The following LRRTM4 variants were observed in gnomAD, a reference collection of about 807,000 sequenced individuals.
LRRTM4 encodes the protein leucine-rich repeat transmembrane neuronal protein 4.
In LRRTM4, 25 loss-of-function variants were observed where a neutral mutation model predicts 47.6. The ratio of observed to expected loss-of-function variants is 0.53; its 90% CI spans 0.38 to 0.73. LRRTM4 has a LOEUF of 0.73. Among genes scored for constraint, LRRTM4 ranks in the 30% least tolerant of loss-of-function variants. LRRTM4 has a pLI of 0.00. For synonymous variants in LRRTM4, 311 were observed against 269.5 expected (o/e 1.15, Z -1.51); for missense variants, 638 against 713.4 (o/e 0.89, Z 1.20).
chr2:77,465,869 A>C (rs1676962347), intron 3 of LRRTM4, among the ~76,000 whole-genome samples: 1 of 152,146 alleles, frequency 6.6e-6, no homozygotes, highest in African/African-American at 2.4e-5. Flanking sequence ...CTCTTCACTG[A>C]TTAGATTCCT....
At chr2:76,854,344 T>C (rs1252611142) in intron 3 of LRRTM4, among the ~76,000 whole-genome samples, 1 of 152,110 alleles carries the variant, frequency 6.6e-6, no homozygotes, top group Non-Finnish European at 1.5e-5. Flanking sequence ...AGAATCTGCT[T>C]TTACTTTTCC....
chr2:77,443,195 C>G (rs1473089063), intron 3 of LRRTM4, among the ~76,000 whole-genome samples: 1 of 152,078 alleles, frequency 6.6e-6, no homozygotes, highest in Non-Finnish European at 1.5e-5. Context: ...ACGTTTGCAG[C>G]TGTGCTGTTT....
chr2:76,781,424 C>T (rs556724619), intron 3 of LRRTM4, among the ~76,000 whole-genome samples: 75 of 152,366 alleles, frequency 4.9e-4, no homozygotes, highest in Non-Finnish European at 9.3e-4. Flanking sequence ...GCGTAGGACC[C>T]TCCGAGCCAG....
At chr2:77,004,317 C>T (rs538743827) in intron 3 of LRRTM4, among the ~76,000 whole-genome samples, 33 of 152,292 alleles carry the variant, frequency 2.2e-4, no homozygotes, top group African/African-American at 5.5e-4. Flanking sequence ...GTGCAGCCTA[C>T]GTACTTGGTC....
At chr2:77,022,733 G>T (rs1315591891) in intron 3 of LRRTM4, among the ~76,000 whole-genome samples, 1 of 152,200 alleles carries the variant, frequency 6.6e-6, no homozygotes, top group Non-Finnish European at 1.5e-5. Context: ...GTAAGAAATG[G>T]GTTCCCATGG....
At chr2:77,464,364 G>T (rs779320148) in intron 3 of LRRTM4, among the ~76,000 whole-genome samples, 20 of 151,722 alleles carry the variant, frequency 1.3e-4, no homozygotes, top group Non-Finnish European at 2.9e-4. Flanking sequence ...AAGATAATGT[G>T]AATCACATAT....
At chr2:76,779,840 C>A (rs1674259514) in intron 3 of LRRTM4, among the ~76,000 whole-genome samples, 1 of 152,104 alleles carries the variant, frequency 6.6e-6, no homozygotes, top group Non-Finnish European at 1.5e-5. Flanking sequence ...TTAGTTGATG[C>A]AGTTTCTTCC....
intron 3 of LRRTM4, among the ~76,000 whole-genome samples, chr2:77,089,066 C>A (rs1479199214): frequency 6.6e-6 from 1 of 152,092 alleles, no homozygotes; most frequent in Non-Finnish European, 1.5e-5. Context: ...TCTGATTATA[C>A]GCCCACGTTT....
At chr2:77,206,251 TC>T in intron 3 of LRRTM4, among the ~76,000 whole-genome samples, 1 of 151,380 alleles carries the variant, frequency 6.6e-6, no homozygotes, top group East Asian at 2.0e-4. Flanking sequence ...CAATCTTTGC[TC>T]CCTGTAACCT....
chr2:77,232,763 A>C (rs769735767), intron 3 of LRRTM4, among the ~76,000 whole-genome samples: 3 of 152,254 alleles, frequency 2.0e-5, no homozygotes, highest in Non-Finnish European at 4.4e-5. Flanking sequence ...CTATTACTAA[A>C]TTAGAACTTT....
chr2:77,222,108 T>G (rs1303806805), intron 3 of LRRTM4, among the ~76,000 whole-genome samples: 2 of 152,086 alleles, frequency 1.3e-5, no homozygotes, highest in South Asian at 4.1e-4. Context: ...GAATGACTAC[T>G]GGGTACATAA....
intron 3 of LRRTM4, among the ~76,000 whole-genome samples, chr2:76,842,117 A>G (rs554067592): frequency 3.0e-4 from 45 of 152,288 alleles, no homozygotes; most frequent in African/African-American, 1.1e-3. Context: ...CCTTCCCATT[A>G]TGGGTGGGCA....
chr2:77,047,784 A>C (rs1373709460), intron 3 of LRRTM4, among the ~76,000 whole-genome samples: 1 of 152,088 alleles, frequency 6.6e-6, no homozygotes, highest in Non-Finnish European at 1.5e-5. Context: ...TTAGAAGGAC[A>C]AATTTCAACT....
intron 3 of LRRTM4, among the ~76,000 whole-genome samples, chr2:77,335,697 G>A (rs979975790): frequency 6.6e-6 from 1 of 152,074 alleles, no homozygotes; most frequent in Non-Finnish European, 1.5e-5. Flanking sequence ...CCACATGGGG[G>A]CAGGGTGTTA....
intron 3 of LRRTM4, among the ~76,000 whole-genome samples, chr2:77,094,401 TA>T (rs1282469879): frequency 1.3e-5 from 2 of 152,234 alleles, no homozygotes; most frequent in African/African-American, 2.4e-5. Flanking sequence ...AAAATTCTAG[TA>T]TTTTTTTAGA....
intron 1 of LRRTM4, 107 bp downstream of exon 1, chr2:77,522,002 G>A (rs996953943): frequency 1.5e-6 from 1 of 686,872 alleles, no homozygotes; most frequent in African/African-American, 1.8e-5. Context: ...ATTCACCAGA[G>A]ACCCATCAGC....
At chr2:76,783,497 C>T (rs920742892) in intron 3 of LRRTM4, among the ~76,000 whole-genome samples, 4 of 152,148 alleles carry the variant, frequency 2.6e-5, no homozygotes, top group African/African-American at 9.7e-5. Context: ...CAGAACTCTT[C>T]ATCTCAAACT....
chr2:77,231,310 A>T (rs1055948452), intron 3 of LRRTM4, among the ~76,000 whole-genome samples: 20 of 152,142 alleles, frequency 1.3e-4, no homozygotes, highest in African/African-American at 4.8e-4. Flanking sequence ...CACTGAGCTC[A>T]TAAGAGTCAG....
At chr2:77,070,258 T>A (rs1382386153) in intron 3 of LRRTM4, among the ~76,000 whole-genome samples, 15 of 152,086 alleles carry the variant, frequency 9.9e-5, no homozygotes, top group Non-Finnish European at 2.2e-4. Context: ...ATACAATAAA[T>A]GCTCCACAGG....
Sources: gnomAD v4.1 joint callset for allele counts (sites outside exome capture counted in the v4.1 genomes callset) on GRCh38, gnomAD v4.1.1 for gene constraint, MANE v1.5 for transcripts, NCBI Gene and HGNC (gene_info 2026-07-23, HGNC 2026-07-21) for gene names.